Variants in NAALADL2 observed in about 807,000 individuals in gnomAD.
NAALADL2 encodes the protein N-acetylated alpha-linked acidic dipeptidase like 2, also known as inactive N-acetylated-alpha-linked acidic dipeptidase-like protein 2.
Under a neutral mutation model 87.2 loss-of-function variants are expected in NAALADL2, and 76 were observed. The ratio of observed to expected loss-of-function variants is 0.87; its 90% CI spans 0.72 to 1.05. The LOEUF (loss-of-function observed/expected upper bound fraction) is 1.05. NAALADL2 is among the 50% of genes least tolerant of loss of function. The probability of loss-of-function intolerance (pLI) is 0.00; values close to 1 mark genes in which losing one functional copy is unlikely to be tolerated. For synonymous variants in NAALADL2, 354 were observed against 331.0 expected, an observed-to-expected ratio of 1.07 and a Z score of -0.75; for missense variants, 1,089 against 945.8, an observed-to-expected ratio of 1.15 and a Z score of -1.99.
intron 2 of NAALADL2, among the ~76,000 whole-genome samples, chr3:174,625,047 C>T (rs930500368): frequency 3.6e-5 from 3 of 82,648 alleles, no homozygotes; most frequent in African/African-American, 7.0e-5. Context: ...ATTGCTATCT[C>T]TCTCTCTCTC....
chr3:175,389,461 C>T (rs1274793210), intron 5 of NAALADL2, among the ~76,000 whole-genome samples: 17 of 152,104 alleles, frequency 1.1e-4, no homozygotes. Context: ...AAGCACAGTT[C>T]AAACCTTCAC....
At chr3:175,230,211 A>T (rs372457485) in intron 2 of NAALADL2, among the ~76,000 whole-genome samples, 48 of 152,178 alleles carry the variant, frequency 3.2e-4, no homozygotes, top group African/African-American at 1.1e-3. Context: ...ACAACTCCTT[A>T]AATTTTTTAG....
chr3:174,644,084 CT>C (rs981149088), intron 2 of NAALADL2, among the ~76,000 whole-genome samples: 5 of 152,102 alleles, frequency 3.3e-5, no homozygotes, highest in Non-Finnish European at 7.4e-5. Context: ...TAAGATTAGC[CT>C]TTTAGGAGGT....
intron 2 of NAALADL2, among the ~76,000 whole-genome samples, chr3:174,552,435 C>T (rs1472916655): frequency 1.3e-5 from 2 of 151,982 alleles, no homozygotes; most frequent in African/African-American, 4.8e-5. Context: ...TCTATTTGGC[C>T]TAAAATTTTT....
chr3:175,348,590 T>C (rs1259169785), intron 5 of NAALADL2, among the ~76,000 whole-genome samples: 3 of 152,132 alleles, frequency 2.0e-5, no homozygotes, highest in African/African-American at 7.2e-5. Flanking sequence ...CTCCTGCAGT[T>C]GTCAACACTC....
intron 11 of NAALADL2, among the ~76,000 whole-genome samples, chr3:175,704,471 CAGAT>C (rs5854651): frequency 0.26 from 39,807 of 151,638 alleles, 7,008 homozygotes; most frequent in African/African-American, 0.51. Context: ...CATTTTTTGA[CAGAT>C]AGTCTTTTGC....
At chr3:175,689,780 C>T (rs1736798602) in intron 11 of NAALADL2, among the ~76,000 whole-genome samples, 1 of 152,026 alleles carries the variant, frequency 6.6e-6, no homozygotes, top group Non-Finnish European at 1.5e-5. Context: ...AAAATGTCCA[C>T]CAGCTTTAGG....
At chr3:174,927,904 A>G (rs894737075) in intron 1 of NAALADL2, among the ~76,000 whole-genome samples, 14 of 152,192 alleles carry the variant, frequency 9.2e-5, no homozygotes, top group Non-Finnish European at 1.8e-4. Flanking sequence ...CCTTCAAAAA[A>G]TCAATGAATC....
At chr3:174,811,583 A>T (rs183856986) in intron 3 of NAALADL2, among the ~76,000 whole-genome samples, 1 of 152,160 alleles carries the variant, frequency 6.6e-6, no homozygotes. Flanking sequence ...GTATCTTAGG[A>T]GTAACTAAAT....
rs534534018 is a variant in NAALADL2, at chr3:175,285,468, A to T, written c.939+28938A>T. Among the ~76,000 whole-genome samples the T allele has an allele frequency of 2.8e-4, 43 of 152,296 alleles. No homozygotes were observed. The South Asian group carries it at 8.9e-3, about 32-fold the overall frequency. ...AGAAACCTTTAAGTGGCTATTTATA[A>T]GGAATACTTTGAGCTCTTCCAAGAT... On this transcript the variant is annotated intron_variant, in intron 4 of 13. Coordinates refer to ENST00000454872, the MANE Select transcript of NAALADL2 (RefSeq NM_207015.3).
At chr3:175,214,055 G>GA (rs1408551848) in intron 2 of NAALADL2, among the ~76,000 whole-genome samples, 1 of 152,028 alleles carries the variant, frequency 6.6e-6, no homozygotes, top group African/African-American at 2.4e-5. Flanking sequence ...TATTTTCTAA[G>GA]AAAAATATAC....
chr3:175,493,853 G>C (rs1477382829), intron 9 of NAALADL2, among the ~76,000 whole-genome samples: 1 of 152,084 alleles, frequency 6.6e-6, no homozygotes, highest in Non-Finnish European at 1.5e-5. Flanking sequence ...CATACACACA[G>C]TGAAAGCTGT....
At chr3:174,715,513 T>C (rs1731097507) in intron 2 of NAALADL2, among the ~76,000 whole-genome samples, 1 of 152,184 alleles carries the variant, frequency 6.6e-6, no homozygotes, top group Non-Finnish European at 1.5e-5. Flanking sequence ...TGTTTAAATA[T>C]GGATAGGCAT....
intron 13 of NAALADL2, among the ~76,000 whole-genome samples, chr3:175,798,876 A>G (rs553310269): frequency 2.0e-5 from 3 of 152,132 alleles, no homozygotes; most frequent in Non-Finnish European, 2.9e-5. Flanking sequence ...CATTAAATTG[A>G]ATATGGATAT....
chr3:174,661,949 T>C (rs956753989), intron 2 of NAALADL2, among the ~76,000 whole-genome samples: 1 of 152,190 alleles, frequency 6.6e-6, no homozygotes, highest in Admixed American at 6.5e-5. Context: ...TACTGCATGT[T>C]CTGATTTTTC....
chr3:174,830,443 G>A (rs952311028), intron 3 of NAALADL2, among the ~76,000 whole-genome samples: 105 of 152,148 alleles, frequency 6.9e-4, no homozygotes, highest in African/African-American at 2.4e-3. Flanking sequence ...TGTTATTTCT[G>A]AGGGCTCTGT....
intron 1 of NAALADL2, among the ~76,000 whole-genome samples, chr3:175,089,227 G>A (rs116469850): frequency 0.016 from 2,482 of 152,230 alleles, 67 homozygotes; most frequent in African/African-American, 0.054. Context: ...GAGATCTGAG[G>A]ATCCACATAG....
intron 3 of NAALADL2, among the ~76,000 whole-genome samples, chr3:174,840,983 G>C (rs1165620990): frequency 1.3e-5 from 2 of 151,010 alleles, no homozygotes; most frequent in African/African-American, 4.9e-5. Flanking sequence ...TTGAACAAAA[G>C]TAATTCTCCT....
At chr3:174,807,421 C>T (rs532385750) in intron 3 of NAALADL2, among the ~76,000 whole-genome samples, 15 of 152,252 alleles carry the variant, frequency 9.9e-5, no homozygotes, top group African/African-American at 3.4e-4. Context: ...AGAATGATAG[C>T]TGCCCCATAT....
Sources: allele counts gnomAD v4.1 joint callset (sites outside exome capture counted in the v4.1 genomes callset), GRCh38; gene constraint gnomAD v4.1.1; transcripts MANE v1.5; gene names NCBI Gene and HGNC (gene_info 2026-07-23, HGNC 2026-07-21).